Variants in ATG10 observed in about 807,000 individuals in gnomAD.
ATG10 encodes autophagy related 10.
ATG10 carries 30 observed loss-of-function variants against 32.1 expected under a neutral mutation model. That is an observed-to-expected ratio of 0.94 (90% CI 0.70 to 1.27). The LOEUF (loss-of-function observed/expected upper bound fraction) is 1.27, where lower values mean the gene tolerates loss of function less well. Ranked by LOEUF, ATG10 falls within the 50% of genes most tolerant of loss-of-function variation. The pLI, the probability that ATG10 is intolerant of heterozygous loss-of-function variation, is 0.00. For synonymous variants in ATG10, 87 were observed against 91.5 expected (o/e 0.95, Z 0.28); for missense variants, 233 against 262.3 (o/e 0.89, Z 0.77).
intron 3 of ATG10, among the ~76,000 whole-genome samples, chr5:82,138,660 T>A (rs73136777): frequency 0.19 from 29,216 of 152,162 alleles, 3,178 homozygotes; most frequent in Middle Eastern, 0.28. Flanking sequence ...TGGAGCTGTT[T>A]CCATTTGACC....
intron 3 of ATG10, among the ~76,000 whole-genome samples, chr5:82,100,701 GA>G (rs1467353015): frequency 1.3e-5 from 2 of 149,418 alleles, no homozygotes; most frequent in African/African-American, 4.9e-5. Context: ...AGAGAAAAAA[GA>G]CTGAAATATA....
chr5:82,097,345 T>C (rs551451965), intron 3 of ATG10, among the ~76,000 whole-genome samples: 2 of 152,262 alleles, frequency 1.3e-5, no homozygotes, highest in Admixed American at 1.3e-4. Context: ...AGTAGTAAAA[T>C]AGCAAAGTAT....
At chr5:82,139,850 G>GC (rs1178995030) in intron 3 of ATG10, among the ~76,000 whole-genome samples, 1 of 130,288 alleles carries the variant, frequency 7.7e-6, no homozygotes, top group Non-Finnish European at 1.7e-5. Context: ...GGGGGGGTCA[G>GC]CCCCCCCACC....
At chr5:82,041,511 A>T (rs1011990758) in intron 2 of ATG10, among the ~76,000 whole-genome samples, 1 of 152,238 alleles carries the variant, frequency 6.6e-6, no homozygotes, top group Non-Finnish European at 1.5e-5. Context: ...AAAAGACCTT[A>T]GAGTACTTAG....
At chr5:82,097,645 C>T (rs555439965) in intron 3 of ATG10, among the ~76,000 whole-genome samples, 1 of 152,292 alleles carries the variant, frequency 6.6e-6, no homozygotes, top group South Asian at 2.1e-4. Context: ...TACTTTTGCA[C>T]TGGCCTAATA....
intron 3 of ATG10, among the ~76,000 whole-genome samples, chr5:82,097,929 C>T (rs1242551987): frequency 6.6e-6 from 1 of 152,144 alleles, no homozygotes; most frequent in African/African-American, 2.4e-5. Context: ...CAACAAAAAA[C>T]GAGCAATAAA....
chr5:82,139,658 C>G (rs1318393698), intron 3 of ATG10, among the ~76,000 whole-genome samples: 1 of 148,274 alleles, frequency 6.7e-6, no homozygotes, highest in Non-Finnish European at 1.5e-5. Flanking sequence ...GCCACCCCAT[C>G]TGGGAAGTGA....
intron 5 of ATG10, among the ~76,000 whole-genome samples, chr5:82,204,749 T>G (rs1745217130): frequency 6.6e-6 from 1 of 152,156 alleles, no homozygotes; most frequent in Non-Finnish European, 1.5e-5. Flanking sequence ...GGAAATTGGC[T>G]TATGGATGAT....
At chr5:82,139,729 T>C (rs1335360110) in intron 3 of ATG10, among the ~76,000 whole-genome samples, 48 of 90,384 alleles carry the variant, frequency 5.3e-4, no homozygotes, top group African/African-American at 1.7e-3. Flanking sequence ...GTCAGCCCCC[T>C]GCCCGGCCAG....
At chr5:82,227,400 A>C (rs1172624477) in intron 5 of ATG10, among the ~76,000 whole-genome samples, 1 of 151,896 alleles carries the variant, frequency 6.6e-6, no homozygotes, top group African/African-American at 2.4e-5. Context: ...TTTTTGAGAT[A>C]GGATCTATCT....
intron 2 of ATG10, among the ~76,000 whole-genome samples, chr5:82,042,524 T>C (rs1187589354): frequency 1.3e-5 from 2 of 152,178 alleles, no homozygotes; most frequent in African/African-American, 4.8e-5. Flanking sequence ...AAGTCTTAAT[T>C]CATTTCAACA....
chr5:81,997,509 C>T (rs1326709878), intron 2 of ATG10, among the ~76,000 whole-genome samples: 2 of 152,192 alleles, frequency 1.3e-5, no homozygotes, highest in African/African-American at 2.4e-5. Flanking sequence ...CAAACAACTG[C>T]ACTAGTTCCC....
chr5:82,029,535 G>A (rs1266490338), intron 2 of ATG10, among the ~76,000 whole-genome samples: 4 of 152,146 alleles, frequency 2.6e-5, no homozygotes, highest in Non-Finnish European at 5.9e-5. Context: ...AAAATTCAGA[G>A]AATGGAATAA....
chr5:82,190,833 C>A (rs945886490), intron 5 of ATG10, among the ~76,000 whole-genome samples: 1 of 143,796 alleles, frequency 7.0e-6, no homozygotes, highest in South Asian at 2.3e-4. Context: ...AAGGTAAGGT[C>A]GTAATTGTTT....
chr5:82,095,914 G>T (rs1238892101), intron 3 of ATG10, among the ~76,000 whole-genome samples: 1 of 152,152 alleles, frequency 6.6e-6, no homozygotes, highest in Non-Finnish European at 1.5e-5. Flanking sequence ...CATTAATGAT[G>T]AACTCTTCCA....
rs535866079 is a variant in ATG10, at chr5:82,035,401, A to G, written c.109-23094A>G. Among the ~76,000 whole-genome samples, 7 of 152,326 alleles carry G rather than the reference A, an allele frequency of 4.6e-5. No homozygotes were observed. In the East Asian group the frequency reaches 7.7e-4, roughly 17 times the overall value. On this transcript the variant is annotated intron_variant, in intron 2 of 7. Transcript: ENST00000282185. ...AGCACATTGCATGAAGTAAGTGCTCAATAATATTTATTGAATGAGTGAATG... is the reference window on the plus strand; with the variant it reads ...AGCACATTGCATGAAGTAAGTGCTCGATAATATTTATTGAATGAGTGAATG...
chr5:82,057,378 G>A (rs1561276990), intron 2 of ATG10, among the ~76,000 whole-genome samples: 1 of 152,118 alleles, frequency 6.6e-6, no homozygotes, highest in Non-Finnish European at 1.5e-5. Context: ...TGTTGGCAGG[G>A]TCCTGCTCCC....
At chr5:82,029,873 T>C (rs1412044359) in intron 2 of ATG10, among the ~76,000 whole-genome samples, 1 of 152,234 alleles carries the variant, frequency 6.6e-6, no homozygotes, top group Non-Finnish European at 1.5e-5. Context: ...TCTGAGCTTA[T>C]CTTCACCTTG....
At chr5:82,085,955 A>G (rs1764672847) in intron 3 of ATG10, among the ~76,000 whole-genome samples, 1 of 152,180 alleles carries the variant, frequency 6.6e-6, no homozygotes. Flanking sequence ...TGGAATAATA[A>G]TGGATTACAA....
Sources: gnomAD v4.1 joint callset for allele counts (sites outside exome capture counted in the v4.1 genomes callset) on GRCh38, gnomAD v4.1.1 for gene constraint, MANE v1.5 for transcripts, NCBI Gene and HGNC (gene_info 2026-07-23, HGNC 2026-07-21) for gene names.